Variants in YPEL2 observed in about 807,000 individuals in gnomAD.
YPEL2 encodes yippee like 2.
Under a neutral mutation model 19.1 loss-of-function variants are expected in YPEL2, and 2 were observed. That is an observed-to-expected ratio of 0.10 (90% CI 0.04 to 0.33). The LOEUF is 0.33. Among genes scored for constraint, YPEL2 ranks in the 10% least tolerant of loss-of-function variants. The pLI, the probability that YPEL2 is intolerant of heterozygous loss-of-function variation, is 1.00. For synonymous variants in YPEL2, 52 were observed against 50.0 expected, an observed-to-expected ratio of 1.04 and a Z score of -0.17; for missense variants, 66 against 140.7, an observed-to-expected ratio of 0.47 and a Z score of 2.68.
intron 1 of YPEL2, among the ~76,000 whole-genome samples, chr17:59,351,537 A>G (rs1416259106): frequency 5.9e-5 from 9 of 152,040 alleles, no homozygotes; most frequent in South Asian, 4.1e-4. Flanking sequence ...GAGTGTGCCC[A>G]GGGTGTGATG....
At chr17:59,360,516 A>G (rs2047835436) in intron 2 of YPEL2, among the ~76,000 whole-genome samples, 1 of 152,174 alleles carries the variant, frequency 6.6e-6, no homozygotes, top group African/African-American at 2.4e-5. Context: ...AGAGAATCAC[A>G]TTTCCCAACC....
chr17:59,338,186 T>C (rs8072709), intron 1 of YPEL2, among the ~76,000 whole-genome samples: 39,768 of 152,072 alleles, frequency 0.26, 5,452 homozygotes, highest in East Asian at 0.41. Context: ...GCTGGCTCCA[T>C]GTGAGCTTAC....
intron 1 of YPEL2, among the ~76,000 whole-genome samples, chr17:59,333,428 A>G (rs903697973): frequency 9.9e-5 from 15 of 152,246 alleles, no homozygotes; most frequent in African/African-American, 3.6e-4. Context: ...CAAGAAGCTT[A>G]GAGTTAGGGG....
intron 4 of YPEL2, among the ~76,000 whole-genome samples, chr17:59,393,447 T>C (rs1447060026): frequency 2.0e-5 from 3 of 151,176 alleles, no homozygotes; most frequent in African/African-American, 7.3e-5. Flanking sequence ...ATTTTTTTTT[T>C]CATAATAGGA....
intron 2 of YPEL2, among the ~76,000 whole-genome samples, chr17:59,358,351 G>T (rs1232862596): frequency 1.3e-5 from 2 of 152,144 alleles, no homozygotes; most frequent in Non-Finnish European, 2.9e-5. Flanking sequence ...AAGAGTCAGG[G>T]AGTGAGATGT....
chr17:59,339,723 G>A (rs2047718253), intron 1 of YPEL2, among the ~76,000 whole-genome samples: 1 of 152,060 alleles, frequency 6.6e-6, no homozygotes, highest in Admixed American at 6.6e-5. Flanking sequence ...CCTGGTTTTG[G>A]TCCTCTCTAA....
intron 1 of YPEL2, among the ~76,000 whole-genome samples, chr17:59,336,382 C>A (rs1252626818): frequency 7.2e-5 from 11 of 152,136 alleles, no homozygotes; most frequent in Non-Finnish European, 2.9e-5. Context: ...CTAGGCCTCG[C>A]TGTTTGTTTT....
Position 59,399,317 on chromosome 17 carries a change from GTTTAT to G in YPEL2, c.*2129_*2133del, listed in dbSNP as rs1451214444. On this transcript the variant is annotated 3_prime_UTR_variant, in exon 5 of 5. Coordinates refer to ENST00000312655, the MANE Select transcript of YPEL2 (RefSeq NM_001005404.4). ...TCTTTCCTCAGCGATTGTCCTGGCT[GTTTAT>G]TGATAGTCCTTCCCATAAGAAAATG... 5 of 152,430 alleles carry G rather than the reference GTTTAT, an allele frequency of 3.3e-5. No individual in the cohort carries two copies. Among genetic ancestry groups the G allele is most frequent in the Non-Finnish European group, 7.3e-5 (5 of 68,032 alleles). The allele number at this position is 152,430 out of a possible 1,614,324, so 9.4% of individuals were successfully genotyped here. A position where few individuals can be genotyped will look rare whatever the true frequency, so the allele number is the denominator to read the frequency against.
chr17:59,342,094 TAG>T, intron 1 of YPEL2, among the ~76,000 whole-genome samples: 1 of 152,348 alleles, frequency 6.6e-6, no homozygotes, highest in East Asian at 1.9e-4. Flanking sequence ...TGTCAGAGTC[TAG>T]AGTTTTGGAT....
intron 2 of YPEL2, among the ~76,000 whole-genome samples, chr17:59,376,097 G>A (rs2047919555): frequency 6.6e-6 from 1 of 152,140 alleles, no homozygotes; most frequent in African/African-American, 2.4e-5. Flanking sequence ...GTCTCATTCT[G>A]TTTAGGCTCC....
chr17:59,351,864 G>A (rs1598031231), intron 1 of YPEL2, among the ~76,000 whole-genome samples: 1 of 152,184 alleles, frequency 6.6e-6, no homozygotes, highest in Non-Finnish European at 1.5e-5. Context: ...GGGTTAAGGG[G>A]TGGTGGCTGA....
At chr17:59,357,622 A>G (rs996749729) in intron 2 of YPEL2, among the ~76,000 whole-genome samples, 3 of 152,188 alleles carry the variant, frequency 2.0e-5, no homozygotes, top group Admixed American at 6.5e-5. Flanking sequence ...AATAGCTTCA[A>G]TTGGAACAGT....
At position 59,356,067 on chromosome 17, in the gene YPEL2, G is replaced by A. The variant is rs536229600; in HGVS notation, c.117+2541G>A. The A allele has an allele frequency of 4.6e-5, 7 of 152,116 alleles. No individual in the cohort carries two copies. The East Asian group carries it at 1.4e-3, about 29-fold the overall frequency. 9.4% of individuals were successfully genotyped at this position (152,116 alleles called of 1,614,324 possible). A position where few individuals can be genotyped will look rare whatever the true frequency, so the allele number is the denominator to read the frequency against. On this transcript the variant is annotated intron_variant, in intron 2 of 4. Coordinates refer to ENST00000312655, the MANE Select transcript of YPEL2 (RefSeq NM_001005404.4). The stretch of plus-strand genomic sequence containing the variant: ...AGATCATTGCCCCAGCCTCCTCCTT[G>A]GAAAATAGGCCTTTCTTTTCATTTT...
At chr17:59,356,097 T>A (rs2047811401) in intron 2 of YPEL2, 1 of 152,114 alleles carries the variant, frequency 6.6e-6, no homozygotes, top group Non-Finnish European at 1.5e-5. Context: ...CATTTTTCCC[T>A]CCCTCTTCCA....
In YPEL2 at chr17:59,353,578, G is replaced by A. The variant is rs780880011; in HGVS notation, c.117+52G>A. ...GCCTACCCCGGGGAGGGCGCTTAGT[G>A]CTCCTGAAGTTGCAGAGGTTTACAA... is the stretch of plus-strand genomic sequence containing the variant. On this transcript the variant is annotated intron_variant, in intron 2 of 4. Coordinates refer to ENST00000312655, the MANE Select transcript of YPEL2 (RefSeq NM_001005404.4). This position sits in a 1 kb window ranked among gnomAD's most constrained non-coding sequence, Gnocchi z 4.8. 1 of 1,361,660 alleles carries A rather than the reference G, an allele frequency of 7.3e-7. No homozygotes were observed. The allele number at this position is 1,361,660 out of a possible 1,614,324, so 84.3% of individuals were successfully genotyped here. A position where few individuals can be genotyped will look rare whatever the true frequency, so the allele number is the denominator to read the frequency against.
chr17:59,379,395 C>G (rs949344877), intron 2 of YPEL2, among the ~76,000 whole-genome samples: 8 of 152,190 alleles, frequency 5.3e-5, no homozygotes, highest in Non-Finnish European at 1.0e-4. Flanking sequence ...TGATCTGACC[C>G]TTCCCTGCAG....
Position 59,341,197 on chromosome 17 carries a change from C to T in YPEL2, c.-196+9373C>T, listed in dbSNP as rs1363860946. On this transcript the variant is annotated intron_variant, in intron 1 of 4. Coordinates refer to ENST00000312655, the MANE Select transcript of YPEL2 (RefSeq NM_001005404.4). ...GGAGGCCGAGGTGGGCGGAGACCAT[C>T]CTGACTAACAAGGTGAAATCCCATC... 2.0e-5 allele frequency among the ~76,000 whole-genome samples: 3 copies of T among 151,410 alleles called. No individual in the cohort carries two copies. The East Asian group carries it at 5.9e-4, about 30-fold the overall frequency.
Position 59,353,840 on chromosome 17 carries a change from C to A in YPEL2, c.117+314C>A. On this transcript the variant is annotated intron_variant, in intron 2 of 4. Transcript: ENST00000312655. The surrounding 1 kb of genome is among the most constrained non-coding windows in gnomAD (Gnocchi z 4.8). ...TCTCAGCTTGCTTGGTTTAGGTTGGCGGACGAAGAGTGAAGAGTGCTCCCT... is the reference window on the plus strand; with the variant it reads ...TCTCAGCTTGCTTGGTTTAGGTTGGAGGACGAAGAGTGAAGAGTGCTCCCT... The A allele has an allele frequency of 2.7e-6, 1 of 373,714 alleles. No homozygotes were observed. Among genetic ancestry groups the A allele is most frequent in the South Asian group, 2.1e-5 (1 of 47,056 alleles). The allele number at this position is 373,714 out of a possible 1,614,324, so 23.1% of individuals were successfully genotyped here.
rs755926902 is a variant in YPEL2 at position 59,367,028 on chromosome 17, A to G, written c.117+13502A>G. 2.4e-4 allele frequency among the ~76,000 whole-genome samples: 37 copies of G among 152,208 alleles called. 1 individual carries two copies. The highest frequency in any genetic ancestry group is 1.9e-3 in the Admixed American group (29 of 15,288). On this transcript the variant is annotated intron_variant, in intron 2 of 4. Coordinates refer to ENST00000312655, the MANE Select transcript of YPEL2 (RefSeq NM_001005404.4). ...GAAAGCCAATAAGATAAGGTCTGAC[A>G]AATCTAGGTCACCCGGCTGCTGCCA...
Sources: gnomAD v4.1 joint callset for allele counts (sites outside exome capture counted in the v4.1 genomes callset) on GRCh38, gnomAD v4.1.1 for gene constraint, Gnocchi (gnomAD v3.1) non-coding constraint, MANE v1.5 for transcripts, NCBI Gene and HGNC (gene_info 2026-07-23, HGNC 2026-07-21) for gene names.